The following CDYL variants were observed in gnomAD, a reference collection of about 807,000 sequenced individuals.
The protein encoded by CDYL is chromodomain Y like.
In CDYL, 8 loss-of-function variants were observed where a neutral mutation model predicts 47.3. The ratio of observed to expected loss-of-function variants is 0.17; its 90% CI spans 0.10 to 0.31. CDYL has a LOEUF of 0.31. Ranked by LOEUF, CDYL falls within the 10% of genes least tolerant of loss-of-function variation. The pLI, the probability that CDYL is intolerant of heterozygous loss-of-function variation, is 1.00. For synonymous variants in CDYL, 266 were observed against 265.0 expected (o/e 1.00, Z -0.04); for missense variants, 471 against 701.4 (o/e 0.67, Z 3.71).
intron 1 of CDYL, among the ~76,000 whole-genome samples, chr6:4,846,349 T>C (rs1312190631): frequency 1.3e-5 from 2 of 152,226 alleles, no homozygotes; most frequent in South Asian, 2.1e-4. Context: ...GTAGTACTTA[T>C]TAAATCTGCA....
intron 1 of CDYL, among the ~76,000 whole-genome samples, chr6:4,791,681 G>C (rs1328953197): frequency 1.3e-5 from 2 of 151,372 alleles, no homozygotes; most frequent in African/African-American, 4.9e-5. Flanking sequence ...CCCTGTGCGT[G>C]TTTACTGAGC....
intron 1 of CDYL, among the ~76,000 whole-genome samples, chr6:4,830,588 A>G (rs1412817482): frequency 6.6e-6 from 1 of 151,284 alleles, no homozygotes; most frequent in Non-Finnish European, 1.5e-5. Flanking sequence ...TCTTTTATTT[A>G]TTTATTTTAA....
chr6:4,893,646 T>A (rs556431308), intron 2 of CDYL, among the ~76,000 whole-genome samples: 16 of 149,636 alleles, frequency 1.1e-4, no homozygotes, highest in Admixed American at 6.0e-4. Flanking sequence ...TGAGCCGAGA[T>A]GGTGCCATTG....
chr6:4,782,185 T>C (rs1426179773), intron 1 of CDYL, among the ~76,000 whole-genome samples: 2 of 152,174 alleles, frequency 1.3e-5, no homozygotes, highest in Non-Finnish European at 2.9e-5. Flanking sequence ...AAGGGAATAT[T>C]AAAAACATCA....
At chr6:4,946,060 T>C (rs931817926) in intron 5 of CDYL, among the ~76,000 whole-genome samples, 1 of 152,178 alleles carries the variant, frequency 6.6e-6, no homozygotes, top group Non-Finnish European at 1.5e-5. Context: ...GCCGATCACA[T>C]TGGCATCTCC....
chr6:4,920,732 C>T (rs528082179), intron 2 of CDYL, among the ~76,000 whole-genome samples: 14 of 152,336 alleles, frequency 9.2e-5, no homozygotes, highest in South Asian at 8.3e-4. Context: ...GATTCTCCTG[C>T]CTCCGCCTCT....
intron 2 of CDYL, among the ~76,000 whole-genome samples, chr6:4,921,139 G>A (rs1757702925): frequency 6.6e-6 from 1 of 152,178 alleles, no homozygotes; most frequent in African/African-American, 2.4e-5. Context: ...CTTCAGGGTA[G>A]GTGGGTAGAT....
At chr6:4,723,933 G>A (rs1240069753) in intron 2 of CDYL, among the ~76,000 whole-genome samples, 1 of 152,206 alleles carries the variant, frequency 6.6e-6, no homozygotes, top group Non-Finnish European at 1.5e-5. Flanking sequence ...ATCTGCTTTC[G>A]GTTAGAATGA....
chr6:4,759,453 T>C (rs961678352), intron 3 of CDYL, among the ~76,000 whole-genome samples: 1 of 152,174 alleles, frequency 6.6e-6, no homozygotes, highest in African/African-American at 2.4e-5. Flanking sequence ...AATATTTTAC[T>C]ATACAGATAT....
At position 4,860,181 on chromosome 6, in the gene CDYL, G is replaced by A. The variant is rs961716283; in HGVS notation, c.25-31532G>A. Among the ~76,000 whole-genome samples the A allele has an allele frequency of 1.6e-4, 24 of 152,210 alleles. No homozygotes were observed. In the East Asian group the frequency reaches 4.4e-3, roughly 28 times the overall value. ...CTCCCAAAGTGCTGGAATTACAGAC[G>A]TGAGCCACCACGCCCAGCCAGTTCA... On this transcript the variant is annotated intron_variant, in intron 1 of 6. Transcript: ENST00000397588.
At chr6:4,739,044 C>T (rs771697253) in intron 3 of CDYL, among the ~76,000 whole-genome samples, 5 of 152,022 alleles carry the variant, frequency 3.3e-5, no homozygotes, top group African/African-American at 9.7e-5. Context: ...GCCTGTAATC[C>T]CAGCTACTTG....
At chr6:4,876,876 A>G (rs577944672) in intron 1 of CDYL, among the ~76,000 whole-genome samples, 8 of 152,346 alleles carry the variant, frequency 5.3e-5, no homozygotes, top group South Asian at 2.1e-4. Context: ...GCCAAAATTC[A>G]TATCTTGACA....
chr6:4,792,433 A>ATTT (rs202226393), intron 1 of CDYL, among the ~76,000 whole-genome samples: 1 of 137,854 alleles, frequency 7.3e-6, no homozygotes, highest in African/African-American at 2.8e-5. Flanking sequence ...TTAAAAAAAA[A>ATTT]TTTTTTTTTT....
chr6:4,913,395 A>C (rs2127501673), intron 2 of CDYL, among the ~76,000 whole-genome samples: 1 of 152,328 alleles, frequency 6.6e-6, no homozygotes. Flanking sequence ...TCTGTTAAAA[A>C]GCAAAAAGTG....
intron 1 of CDYL, among the ~76,000 whole-genome samples, chr6:4,868,900 C>T (rs1020906344): frequency 6.6e-6 from 1 of 152,084 alleles, no homozygotes; most frequent in Non-Finnish European, 1.5e-5. Flanking sequence ...TGAAATGTTT[C>T]TCTTTGTCTG....
At chr6:4,825,960 T>C (rs1191797245) in intron 1 of CDYL, among the ~76,000 whole-genome samples, 1 of 151,906 alleles carries the variant, frequency 6.6e-6, no homozygotes, top group Non-Finnish European at 1.5e-5. Flanking sequence ...GTGGAAGTGA[T>C]GGGGGTAATG....
chr6:4,954,863 A>G lies in CDYL; in HGVS notation c.*807A>G, dbSNP rs1233460385. 1 of 152,224 alleles carries G rather than the reference A, an allele frequency of 6.6e-6. No homozygotes were observed. 9.4% of individuals were successfully genotyped at this position (152,224 alleles called of 1,614,324 possible). On this transcript the variant is annotated 3_prime_UTR_variant, in exon 7 of 7. Coordinates refer to ENST00000397588, the MANE Select transcript of CDYL (RefSeq NM_004824.4). ...TAAATAGTTTTTCTGACCCTTCTGA[A>G]AAATAACTACATAAGTGCTTCTTGT... is the stretch of plus-strand genomic sequence containing the variant.
At chr6:4,779,579 G>A (rs774168251) in intron 1 of CDYL, among the ~76,000 whole-genome samples, 2 of 152,286 alleles carry the variant, frequency 1.3e-5, no homozygotes, top group African/African-American at 2.4e-5. Flanking sequence ...GGAAAAGATG[G>A]GTAGAGCATG....
intron 2 of CDYL, among the ~76,000 whole-genome samples, chr6:4,912,233 ATT>A (rs5873957): frequency 1.3e-5 from 2 of 151,832 alleles, no homozygotes; most frequent in African/African-American, 4.8e-5. Flanking sequence ...CAAGTTGGGA[ATT>A]TTTTTTTTTC....
Sources: gnomAD v4.1 joint callset for allele counts (sites outside exome capture counted in the v4.1 genomes callset) on GRCh38, gnomAD v4.1.1 for gene constraint, MANE v1.5 for transcripts, NCBI Gene and HGNC (gene_info 2026-07-23, HGNC 2026-07-21) for gene names.